The following YTHDC2 variants were observed in gnomAD, a reference collection of about 807,000 sequenced individuals.
YTHDC2 encodes YTH N6-methyladenosine RNA binding protein C2.
YTHDC2 carries 45 observed loss-of-function variants against 174.9 expected under a neutral mutation model. The observed-to-expected ratio is 0.26, with a 90% CI of 0.20 to 0.33. The LOEUF is 0.33. Ranked by LOEUF, YTHDC2 falls within the 10% of genes least tolerant of loss-of-function variation. The pLI, the probability that YTHDC2 is intolerant of heterozygous loss-of-function variation, is 1.00. For missense variants in YTHDC2, 1,650 were observed against 1,723.7 expected (o/e 0.96, Z 0.76); for synonymous variants, 657 against 574.5 (o/e 1.14, Z -2.05).
At chr5:113,555,828 A>C (rs906102533) in intron 16 of YTHDC2, among the ~76,000 whole-genome samples, 5 of 152,132 alleles carry the variant, frequency 3.3e-5, no homozygotes, top group African/African-American at 1.2e-4. Context: ...AGAATGGAGA[A>C]GTTTTACGCT....
intron 22 of YTHDC2, 112 bp from the exon 23 acceptor site, chr5:113,567,542 C>A: frequency 3.3e-6 from 3 of 916,510 alleles, no homozygotes; most frequent in South Asian, 2.2e-5. Context: ...TTTTTGCTTA[C>A]GTACTAATAT....
intron 9 of YTHDC2, among the ~76,000 whole-genome samples, chr5:113,541,765 A>G (rs1046809141): frequency 6.6e-6 from 1 of 152,004 alleles, no homozygotes; most frequent in African/African-American, 2.4e-5. Flanking sequence ...ATCTTTATAG[A>G]TATGCACGCT....
intron 23 of YTHDC2, among the ~76,000 whole-genome samples, chr5:113,574,778 AG>A (rs1777936963): frequency 6.7e-6 from 1 of 149,458 alleles, no homozygotes; most frequent in African/African-American, 2.5e-5. Context: ...CTGCCTTGCT[AG>A]GGATCCCAGG....
At position 113,541,005 on chromosome 5, in the gene YTHDC2, A is replaced by C; in HGVS notation, c.1248A>C (p.Ser416=). 2 of 1,614,110 alleles carry C rather than the reference A, an allele frequency of 1.2e-6. No homozygotes were observed. The highest frequency in any genetic ancestry group is 1.3e-5 in the African/African-American group (1 of 75,040). ...AAACCACACTTACAGAATGGTACTCAGCTCAAGAAAATAGTTTCAAGCCTG... is the reference window on the plus strand; with the variant it reads ...AAACCACACTTACAGAATGGTACTCCGCTCAAGAAAATAGTTTCAAGCCTG... ...KQQTTLTEWY[S]AQENSFKPES... is the part of the protein sequence containing the mutation. Residue 416 remains serine (S), a synonymous_variant, in exon 9 of 30, where the codon TCA becomes TCC. Transcript: ENST00000161863.
At chr5:113,541,865 T>A (rs972375014) in intron 9 of YTHDC2, among the ~76,000 whole-genome samples, 1 of 152,108 alleles carries the variant, frequency 6.6e-6, no homozygotes, top group Non-Finnish European at 1.5e-5. Context: ...ATAGACTTAT[T>A]TGGGTCATGG....
At chr5:113,546,932 T>A (rs1775923049) in intron 10 of YTHDC2, among the ~76,000 whole-genome samples, 1 of 151,656 alleles carries the variant, frequency 6.6e-6, no homozygotes, top group South Asian at 2.1e-4. Context: ...TTATTCTACC[T>A]GTGAGGTGCA....
chr5:113,565,799 C>G (rs546671183), intron 20 of YTHDC2, 94 bp from the exon 21 acceptor site: 2 of 1,305,548 alleles, frequency 1.5e-6, no homozygotes, highest in South Asian at 4.0e-5. Flanking sequence ...AAATTCACGT[C>G]GAGGAATTCG....
rs538086396 is a variant in YTHDC2, at chr5:113,553,806, C to T, written c.2004C>T (p.Ser668=). The T allele has an allele frequency of 9.9e-6, 16 of 1,612,090 alleles. No individual in the cohort carries two copies. The South Asian group carries it at 1.1e-4, about 11-fold the overall frequency. ...VFMLHSNMQT[S]DQKKVLKNPP... ...TGCTTCATTCAAATATGCAAACATC[C>T]GATCAAAAGAAAGTATTAAAAAACC... Residue 668 remains serine (S), a synonymous_variant, in exon 15 of 30, where the codon TCC becomes TCT. Coordinates refer to ENST00000161863, the MANE Select transcript of YTHDC2 (RefSeq NM_022828.5).
chr5:113,534,690 A>C (rs4705826), intron 6 of YTHDC2, among the ~76,000 whole-genome samples: 32,518 of 151,998 alleles, frequency 0.21, 3,952 homozygotes, highest in Admixed American at 0.35. Flanking sequence ...CTTTTCATAT[A>C]TGAAAATGAT....
chr5:113,542,007 G>A (rs1385035522), intron 9 of YTHDC2, among the ~76,000 whole-genome samples: 1 of 152,120 alleles, frequency 6.6e-6, no homozygotes, highest in Non-Finnish European at 1.5e-5. Flanking sequence ...GCTCTGGGGT[G>A]GGACCTGGCA....
chr5:113,547,060 A>G (rs1055052301), intron 10 of YTHDC2, among the ~76,000 whole-genome samples: 1 of 152,204 alleles, frequency 6.6e-6, no homozygotes, highest in Non-Finnish European at 1.5e-5. Context: ...TATTCTGTTC[A>G]TTAGAATGAG....
At chr5:113,518,630 TA>T (rs1371807460) in intron 2 of YTHDC2, among the ~76,000 whole-genome samples, 1 of 151,634 alleles carries the variant, frequency 6.6e-6, no homozygotes, top group African/African-American at 2.4e-5. Context: ...TATAGTTTCT[TA>T]GTACCTATTT....
rs779327840 is a variant in YTHDC2, at chr5:113,548,988, G to T, written c.1656G>T (p.Gln552His). 6.2e-7 allele frequency: 1 copy of T among 1,613,172 alleles called. No individual in the cohort carries two copies. Among genetic ancestry groups the T allele is most frequent in the East Asian group, 2.2e-5 (1 of 44,794 alleles). The part of the protein sequence containing the change: ...MALDWAKHFG[Q>H]TEIVDLLESY... ...TGGATTGGGCTAAACACTTTGGGCA[G>T]ACTGAAATTGTGGATCTTCTAGAAT... is the stretch of plus-strand genomic sequence containing the variant. The change falls in exon 12 of 30, where the codon CAG becomes CAT. Residue 552 changes from glutamine to histidine, a missense_variant. This residue lies in a region of YTHDC2 where 411 missense variants were observed against 380.6 expected (regional missense o/e 1.08). Transcript: ENST00000161863.
At chr5:113,558,446 G>A (rs1406949775) in intron 17 of YTHDC2, among the ~76,000 whole-genome samples, 1 of 152,180 alleles carries the variant, frequency 6.6e-6, no homozygotes, top group East Asian at 1.9e-4. Flanking sequence ...AAAATAAATA[G>A]ATAATTAATT....
At chr5:113,531,905 A>G (rs1486989014) in intron 4 of YTHDC2, among the ~76,000 whole-genome samples, 1 of 152,130 alleles carries the variant, frequency 6.6e-6, no homozygotes, top group Non-Finnish European at 1.5e-5. Flanking sequence ...TTGGGGAGCA[A>G]TTTGATAATT....
chr5:113,572,701 A>G (rs533673984), intron 23 of YTHDC2, among the ~76,000 whole-genome samples: 2 of 152,328 alleles, frequency 1.3e-5, no homozygotes, highest in Admixed American at 1.3e-4. Context: ...TGTTGAATTG[A>G]GCCCTTTACC....
intron 7 of YTHDC2, among the ~76,000 whole-genome samples, chr5:113,536,967 A>G (rs764940472): frequency 3.9e-5 from 6 of 152,188 alleles, no homozygotes; most frequent in Non-Finnish European, 7.3e-5. Flanking sequence ...CACCTGCATA[A>G]TAAAGTATTT....
chr5:113,562,861 G>A (rs900051140), intron 18 of YTHDC2, among the ~76,000 whole-genome samples: 1 of 151,994 alleles, frequency 6.6e-6, no homozygotes, highest in Non-Finnish European at 1.5e-5. Flanking sequence ...TAGCACTGAC[G>A]ATAATCGTAA....
In YTHDC2 at chr5:113,568,116, G is replaced by C. The variant is rs1193669866; in HGVS notation, c.3244+267G>C. Among the ~76,000 whole-genome samples the C allele has an allele frequency of 2.0e-5, 3 of 152,098 alleles. No homozygotes were observed. The East Asian group carries it at 5.8e-4, about 29-fold the overall frequency. On this transcript the variant is annotated intron_variant, in intron 23 of 29. Transcript: ENST00000161863. ...TTTTCTTTTCCACTTGAATTTAAAT[G>C]ATAGTTTAACGTAAATAAAGTTAAT...
Sources: gnomAD v4.1 joint callset for allele counts (sites outside exome capture counted in the v4.1 genomes callset) on GRCh38, gnomAD v4.1.1 for gene constraint, gnomAD v4.1.1 regional missense constraint, MANE v1.5 for transcripts, NCBI Gene and HGNC (gene_info 2026-07-23, HGNC 2026-07-21) for gene names.